Variants in MAP7D3 observed in about 807,000 individuals in gnomAD.
The protein encoded by MAP7D3 is MAP7 domain-containing protein 3.
A neutral mutation model predicts 62.2 loss-of-function variants in MAP7D3; 45 were observed. The ratio of observed to expected loss-of-function variants is 0.72; its 90% CI spans 0.57 to 0.93. The LOEUF is 0.93. Among genes scored for constraint, MAP7D3 ranks in the 40% least tolerant of loss-of-function variants. The pLI, the probability that MAP7D3 is intolerant of heterozygous loss-of-function variation, is 0.00. For missense variants in MAP7D3, 711 were observed against 683.1 expected, an observed-to-expected ratio of 1.04 and a Z score of -0.45; for synonymous variants, 288 against 248.8, an observed-to-expected ratio of 1.16 and a Z score of -1.48.
At chrX:136,249,561 T>C (rs1166619063) in intron 1 of MAP7D3, among the ~76,000 whole-genome samples, 1 of 112,532 alleles carries the variant, frequency 8.9e-6, no homozygotes, top group Non-Finnish European at 1.9e-5. Flanking sequence ...AACACATATA[T>C]ATATACATGT....
rs1340442347 is a variant in MAP7D3 at position 136,251,363 on chromosome X, G to A, written c.-5C>T. 3 of 1,117,266 alleles carry A rather than the reference G, an allele frequency of 2.7e-6. No individual in the cohort carries two copies. The highest frequency in any genetic ancestry group is 3.5e-6 in the Non-Finnish European group (3 of 854,095). 92.1% of individuals were successfully genotyped at this position (1,117,266 alleles called of 1,213,427 possible). A position where few individuals can be genotyped will look rare whatever the true frequency, so the allele number is the denominator to read the frequency against. On this transcript the variant is annotated 5_prime_UTR_variant, in exon 1 of 19. Coordinates refer to ENST00000316077, the MANE Select transcript of MAP7D3 (RefSeq NM_024597.4). ...TGCGGCGCCGTCCGCCATCATCGGAGTCGGGACCGGAGGCGGTGGTGGCTC... is the reference window on the plus strand; with the variant it reads ...TGCGGCGCCGTCCGCCATCATCGGAATCGGGACCGGAGGCGGTGGTGGCTC...
rs1028410868 is a variant in MAP7D3, at chrX:136,227,547, C to A, written c.1887-116G>T. 12 of 456,947 alleles carry A rather than the reference C, an allele frequency of 2.6e-5. No individual in the cohort carries two copies. The African/African-American group carries it at 3.0e-4, about 11-fold the overall frequency. 37.7% of individuals were successfully genotyped at this position (456,947 alleles called of 1,213,427 possible). A position where few individuals can be genotyped will look rare whatever the true frequency, so the allele number is the denominator to read the frequency against. ...TATAGTAATATAATTTATATCCACA[C>A]CAGAGTCACTACATCTTCTGTGTTG... On this transcript the variant is annotated intron_variant, in intron 11 of 18. Transcript: ENST00000316077.
chrX:136,225,932 G>T lies in MAP7D3; in HGVS notation c.2116C>A (p.Gln706Lys), dbSNP rs1244783956. 8.4e-7 allele frequency: 1 copy of T among 1,196,845 alleles called. No homozygotes were observed. The highest frequency in any genetic ancestry group is 2.2e-5 in the Admixed American group (1 of 45,337). ...EHERIMLQNL[Q>K]ERLERKKRIE... ...ACCTTTTTCCTTTCTAACCGTTCTT[G>T]TAAATTTTGTAACATAATTCTCTCG... Residue 706 changes from glutamine to lysine, a missense_variant, in exon 13 of 19, where the codon CAA becomes AAA. Coordinates refer to ENST00000316077, the MANE Select transcript of MAP7D3 (RefSeq NM_024597.4).
chrX:136,221,744 C>G (rs1237173083), intron 15 of MAP7D3: 1 of 112,416 alleles, frequency 8.9e-6, no homozygotes, highest in Non-Finnish European at 1.9e-5. Context: ...ACCCAATCAT[C>G]TTGTGGCAGT....
chrX:136,233,258 T>C lies in MAP7D3; in HGVS notation c.737-1038A>G, dbSNP rs1383697714. 3.8e-5 allele frequency among the ~76,000 whole-genome samples: 4 copies of C among 104,170 alleles called. No individual in the cohort carries two copies. In the East Asian group the frequency reaches 1.3e-3, roughly 33 times the overall value. 90.5% of individuals were successfully genotyped at this position (104,170 alleles called of 115,157 possible). ...TTAAAAACATCTTCTACACGAAATA[T>C]TTATTGCTTAAACGATTAATTTTTT... On this transcript the variant is annotated intron_variant, in intron 7 of 18. Coordinates refer to ENST00000316077, the MANE Select transcript of MAP7D3 (RefSeq NM_024597.4).
chrX:136,233,635 TAAAA>T (rs151267120), intron 7 of MAP7D3, among the ~76,000 whole-genome samples: 6 of 30,586 alleles, frequency 2.0e-4, no homozygotes, highest in African/African-American at 5.5e-4. Context: ...TAAATTAAAC[TAAAA>T]AAAAAAAAAA....
intron 15 of MAP7D3, among the ~76,000 whole-genome samples, chrX:136,222,051 T>G (rs1198062700): frequency 8.9e-6 from 1 of 112,641 alleles, no homozygotes; most frequent in East Asian, 2.8e-4. Flanking sequence ...GTGGTCAACA[T>G]GGATGCCTTG....
intron 7 of MAP7D3, among the ~76,000 whole-genome samples, chrX:136,232,531 T>C (rs1326595593): frequency 6.2e-5 from 7 of 112,435 alleles, no homozygotes; most frequent in Non-Finnish European, 1.1e-4. Context: ...AATCATACTA[T>C]ATTTCAGAAT....
At position 136,229,939 on chromosome X, in the gene MAP7D3, G is replaced by A. The variant is rs763180476; in HGVS notation, c.1750+446C>T. Among the ~76,000 whole-genome samples, 389 of 91,201 alleles carry A rather than the reference G, an allele frequency of 4.3e-3. 1 individual carries two copies. The highest frequency in any genetic ancestry group is 0.014 in the African/African-American group (351 of 24,634). The allele number at this position is 91,201 out of a possible 115,157, so 79.2% of individuals were successfully genotyped here. A position where few individuals can be genotyped will look rare whatever the true frequency, so the allele number is the denominator to read the frequency against. ...ATATATAGCCTACCCTTTCCACATC[G>A]GGCTAATTTTTTTTTTTGTGTGTGT... is the stretch of plus-strand genomic sequence containing the variant. On this transcript the variant is annotated intron_variant, in intron 10 of 18. Transcript: ENST00000316077.
chrX:136,241,280 AT>A lies in MAP7D3; in HGVS notation c.418-4del. Reference sequence around the variant, plus strand: ...TAAAGAATGGCTGTAAATTTTTCCTATTTAAAATAAAAGCCAACATATTTTT... The same window carrying A: ...TAAAGAATGGCTGTAAATTTTTCCTATTAAAATAAAAGCCAACATATTTTT... On this transcript the variant is annotated splice_region_variant and splice_polypyrimidine_tract_variant and intron_variant, in intron 4 of 18. Coordinates refer to ENST00000316077, the MANE Select transcript of MAP7D3 (RefSeq NM_024597.4). The A allele has an allele frequency of 2.9e-6, 3 of 1,019,630 alleles. No individual in the cohort carries two copies. The highest frequency in any genetic ancestry group is 4.0e-6 in the Non-Finnish European group (3 of 741,173). The allele number at this position is 1,019,630 out of a possible 1,213,427, so 84.0% of individuals were successfully genotyped here.
At chrX:136,231,026 CTTT>C (rs34471049) in intron 8 of MAP7D3, 60 bp from the exon 9 acceptor site, 398 of 665,916 alleles carry the variant, frequency 6.0e-4, no homozygotes, top group South Asian at 7.3e-4. Context: ...CTGCAGCTGG[CTTT>C]TTTTTTTTTT....
rs528460727 is a variant in MAP7D3, at chrX:136,231,409, CTATTT to C, written c.1413+130_1413+134del. ...AAATTCCTAGTTTAAGTGAGTTAAC[CTATTT>C]TATTAATTATATTGCAGAATATTGT... On this transcript the variant is annotated intron_variant, in intron 8 of 18. Transcript: ENST00000316077. 1.4e-5 allele frequency: 7 copies of C among 515,123 alleles called. No homozygotes were observed. The South Asian group carries it at 2.5e-4, about 19-fold the overall frequency. 42.5% of individuals were successfully genotyped at this position (515,123 alleles called of 1,213,427 possible).
At chrX:136,226,130 T>C in intron 12 of MAP7D3, 117 bp from the exon 13 acceptor site, 1 of 481,721 alleles carries the variant, frequency 2.1e-6, no homozygotes, top group Non-Finnish European at 3.4e-6. Context: ...GAGTGTAACC[T>C]TTTGAATGAG....
chrX:136,222,324 A>C (rs1477167679), intron 15 of MAP7D3, 69 bp downstream of exon 15: 2 of 854,581 alleles, frequency 2.3e-6, no homozygotes, highest in Middle Eastern at 2.8e-4. Context: ...GCCCAAAGCC[A>C]CACAGCTCAA....
Position 136,216,966 on chromosome X carries a change from A to G in MAP7D3, c.*1560T>C, listed in dbSNP as rs915152953. ...CATGAAAGAGCTAGTATATAAAAAT[A>G]GTTTTTAAACCAAAGGTAACCTTCT... On this transcript the variant is annotated 3_prime_UTR_variant, in exon 19 of 19. Transcript: ENST00000316077. The G allele has an allele frequency of 2.7e-5, 3 of 112,301 alleles. No homozygotes were observed. The highest frequency in any genetic ancestry group is 3.2e-5 in the African/African-American group (1 of 30,869). The allele number at this position is 112,301 out of a possible 1,213,427, so 9.3% of individuals were successfully genotyped here.
Position 136,231,041 on chromosome X carries a change from T to C in MAP7D3, c.1414-75A>G. The C allele has an allele frequency of 4.1e-6, 3 of 726,037 alleles. No individual in the cohort carries two copies. In the Admixed American group the frequency reaches 1.0e-4, roughly 25 times the overall value. 59.8% of individuals were successfully genotyped at this position (726,037 alleles called of 1,213,427 possible). On this transcript the variant is annotated intron_variant, in intron 8 of 18. Transcript: ENST00000316077. ...CTGCAGCTGGCTTTTTTTTTTTTTT[T>C]GAAGAGAAAAACATTCTGAATAAAA...
chrX:136,237,289 G>A (rs1023006602), intron 6 of MAP7D3, among the ~76,000 whole-genome samples: 2 of 112,105 alleles, frequency 1.8e-5, no homozygotes, highest in Middle Eastern at 4.6e-3. Context: ...TGATTAAGTC[G>A]GTATCCTTCA....
chrX:136,235,503 C>CT (rs1427877351), intron 7 of MAP7D3, among the ~76,000 whole-genome samples: 2 of 111,902 alleles, frequency 1.8e-5, no homozygotes, highest in East Asian at 5.6e-4. Flanking sequence ...AATCCCAGCA[C>CT]TTTGGGAGGC....
intron 7 of MAP7D3, among the ~76,000 whole-genome samples, chrX:136,233,167 G>GA (rs35316937): frequency 9.1e-6 from 1 of 109,820 alleles, no homozygotes; most frequent in African/African-American, 3.3e-5. Flanking sequence ...TTCATTTTGT[G>GA]AAAAAAAATA....
Sources: allele counts gnomAD v4.1 joint callset (sites outside exome capture counted in the v4.1 genomes callset), GRCh38; gene constraint gnomAD v4.1.1; transcripts MANE v1.5; gene names NCBI Gene and HGNC (gene_info 2026-07-23, HGNC 2026-07-21).